The following LRRFIP2 variants were observed in gnomAD, a reference collection of about 807,000 sequenced individuals.
The protein encoded by LRRFIP2 is LRR binding FLII interacting protein 2.
A neutral mutation model predicts 125.9 loss-of-function variants in LRRFIP2; 109 were observed. The observed-to-expected ratio is 0.87, with a 90% CI of 0.74 to 1.01. The LOEUF is 1.01. Among genes scored for constraint, LRRFIP2 ranks in the 50% least tolerant of loss-of-function variants. LRRFIP2 has a pLI of 0.00. For missense variants in LRRFIP2, 850 were observed against 862.3 expected (o/e 0.99, Z 0.18); for synonymous variants, 291 against 293.1 (o/e 0.99, Z 0.07).
At chr3:37,144,138 C>T (rs1347771801) in intron 2 of LRRFIP2, among the ~76,000 whole-genome samples, 2 of 152,206 alleles carry the variant, frequency 1.3e-5, no homozygotes, top group Non-Finnish European at 2.9e-5. Flanking sequence ...TGGTGAGACA[C>T]GGCCCCTCAT....
intron 15 of LRRFIP2, among the ~76,000 whole-genome samples, chr3:37,101,415 A>G (rs1437355349): frequency 1.3e-5 from 2 of 152,016 alleles, no homozygotes; most frequent in Non-Finnish European, 2.9e-5. Context: ...CTGTAATCCC[A>G]ACACTTTGGG....
At chr3:37,165,860 A>G (rs965591998) in intron 1 of LRRFIP2, among the ~76,000 whole-genome samples, 11 of 151,622 alleles carry the variant, frequency 7.3e-5, no homozygotes, top group Non-Finnish European at 5.9e-5. Context: ...AAAGAAAGAG[A>G]AAGAAAGAAA....
intron 27 of LRRFIP2, among the ~76,000 whole-genome samples, 174 bp from the exon 28 acceptor site, chr3:37,054,135 T>C (rs2086130362): frequency 6.6e-6 from 1 of 152,226 alleles, no homozygotes; most frequent in South Asian, 2.1e-4. Context: ...CTGAGGATTG[T>C]TTATTTGTTT....
At chr3:37,088,239 C>T (rs2093203242) in intron 18 of LRRFIP2, among the ~76,000 whole-genome samples, 1 of 152,176 alleles carries the variant, frequency 6.6e-6, no homozygotes, top group African/African-American at 2.4e-5. Flanking sequence ...TCACTTCATA[C>T]ATCAGTCAAT....
In LRRFIP2 at chr3:37,090,218, TTTTG is replaced by T. The variant is rs111504404; in HGVS notation, c.1107+1245_1107+1248del. Among the ~76,000 whole-genome samples, 759 of 151,030 alleles carry T rather than the reference TTTTG, an allele frequency of 5.0e-3. 3 individuals carry two copies. The highest frequency in any genetic ancestry group is 0.016 in the African/African-American group (642 of 41,176). On this transcript the variant is annotated intron_variant, in intron 18 of 27. Transcript: ENST00000336686. ...AGAGGTGTAGTGTGTATTTTACTTT[TTTTG>T]TTTGTTTGTTTGTTTGTTTGTTTTG...
intron 9 of LRRFIP2, 38 bp downstream of exon 9, chr3:37,110,953 T>G: frequency 6.3e-7 from 1 of 1,581,032 alleles, no homozygotes; most frequent in Non-Finnish European, 8.7e-7. Flanking sequence ...ATGTTAAAAG[T>G]GAATCAAACA....
intron 2 of LRRFIP2, among the ~76,000 whole-genome samples, chr3:37,146,239 T>C (rs977128479): frequency 3.3e-5 from 5 of 152,138 alleles, no homozygotes; most frequent in South Asian, 2.1e-4. Flanking sequence ...TTTGTGCAAA[T>C]AGTTAAGATC....
intron 2 of LRRFIP2, chr3:37,140,462 GAC>G (rs1411735382): frequency 2.0e-5 from 3 of 152,074 alleles, no homozygotes; most frequent in Non-Finnish European, 4.4e-5. Context: ...ATTGAGGCCG[GAC>G]ACAGTGGCTC....
chr3:37,061,281 C>A (rs1230503343), intron 24 of LRRFIP2, among the ~76,000 whole-genome samples: 1 of 152,170 alleles, frequency 6.6e-6, no homozygotes, highest in Non-Finnish European at 1.5e-5. Flanking sequence ...GAGTTCAAGA[C>A]CAGCCTGGCC....
intron 21 of LRRFIP2, among the ~76,000 whole-genome samples, chr3:37,068,972 A>G (rs6765424): frequency 0.054 from 8,189 of 152,274 alleles, 427 homozygotes; most frequent in African/African-American, 0.14. Context: ...ATATTTCTTC[A>G]TTAAGTTACT....
intron 20 of LRRFIP2, 30 bp from the exon 21 acceptor site, chr3:37,072,912 A>G: frequency 7.0e-7 from 1 of 1,427,282 alleles, no homozygotes; most frequent in South Asian, 1.2e-5. Flanking sequence ...GAGAAGTAAT[A>G]AAAGAGCAGA....
At chr3:37,095,966 A>G (rs999291276) in intron 16 of LRRFIP2, among the ~76,000 whole-genome samples, 1 of 152,190 alleles carries the variant, frequency 6.6e-6, no homozygotes, top group Non-Finnish European at 1.5e-5. Context: ...TATATTGGTT[A>G]TATGTTGAAA....
intron 15 of LRRFIP2, among the ~76,000 whole-genome samples, chr3:37,099,289 T>C (rs911748994): frequency 2.0e-5 from 3 of 152,126 alleles, no homozygotes; most frequent in Non-Finnish European, 4.4e-5. Flanking sequence ...AAAAGCCCAA[T>C]AGGATCCAAC....
In LRRFIP2 at chr3:37,103,297, T is replaced by A. The variant is rs529777856; in HGVS notation, c.784-284A>T. ...TTCCTGAGGACCAGCAAATCTCTCA[T>A]GTTTAAGATATTTATCACCCTGAAC... is the stretch of plus-strand genomic sequence containing the variant. On this transcript the variant is annotated intron_variant, in intron 14 of 27. Transcript: ENST00000336686. 1.0e-3 allele frequency among the ~76,000 whole-genome samples: 158 copies of A among 152,320 alleles called. 1 individual carries two copies. The highest frequency in any genetic ancestry group is 5.6e-3 in the South Asian group (27 of 4,822).
chr3:37,135,608 A>G (rs1197511725), intron 2 of LRRFIP2, among the ~76,000 whole-genome samples: 1 of 152,194 alleles, frequency 6.6e-6, no homozygotes, highest in Non-Finnish European at 1.5e-5. Context: ...ATAAAAATAT[A>G]AATAATTTTA....
intron 1 of LRRFIP2, among the ~76,000 whole-genome samples, chr3:37,163,469 C>T (rs1033140346): frequency 2.6e-5 from 4 of 152,176 alleles, no homozygotes; most frequent in African/African-American, 9.7e-5. Flanking sequence ...TCTTTGTCCT[C>T]GCATCTGCCA....
chr3:37,141,079 A>C (rs190682376), intron 2 of LRRFIP2, among the ~76,000 whole-genome samples: 1 of 152,220 alleles, frequency 6.6e-6, no homozygotes, highest in East Asian at 1.9e-4. Context: ...AAAACCCAAG[A>C]AGCAGAGGTT....
At chr3:37,122,512 T>C (rs1365390635) in intron 4 of LRRFIP2, among the ~76,000 whole-genome samples, 1 of 152,190 alleles carries the variant, frequency 6.6e-6, no homozygotes, top group Non-Finnish European at 1.5e-5. Context: ...ATCATCAGTT[T>C]ATGCAGGTAG....
rs533772093 is a variant in LRRFIP2, at chr3:37,151,134, A to G, written c.-55-2096T>C. Among the ~76,000 whole-genome samples the G allele has an allele frequency of 3.0e-4, 46 of 152,282 alleles. 1 individual carries two copies. The highest frequency in any genetic ancestry group is 2.3e-3 in the East Asian group (12 of 5,182). On this transcript the variant is annotated intron_variant, in intron 1 of 27. Transcript: ENST00000336686. ...AACACTTTGGGAGGCCAAGGCGGGC[A>G]AATCACAGGAGATCAGGAGTTCAAG... is the stretch of plus-strand genomic sequence containing the variant.
Sources: allele counts gnomAD v4.1 joint callset (sites outside exome capture counted in the v4.1 genomes callset), GRCh38; gene constraint gnomAD v4.1.1; transcripts MANE v1.5; gene names NCBI Gene and HGNC (gene_info 2026-07-23, HGNC 2026-07-21).